PDSS2: variants seen among roughly 807,000 people sequenced by gnomAD.
PDSS2 encodes all trans-polyprenyl-diphosphate synthase PDSS2.
In PDSS2, 31 loss-of-function variants were observed where a neutral mutation model predicts 44.5. That is an observed-to-expected ratio of 0.70 (90% CI 0.52 to 0.94). The LOEUF (loss-of-function observed/expected upper bound fraction) is 0.94. Among genes scored for constraint, PDSS2 ranks in the 40% least tolerant of loss-of-function variants. The probability of loss-of-function intolerance (pLI) is 0.00; values close to 1 mark genes in which losing one functional copy is unlikely to be tolerated. For missense variants in PDSS2, 452 were observed against 482.2 expected, an observed-to-expected ratio of 0.94 and a Z score of 0.59; for synonymous variants, 157 against 180.3, an observed-to-expected ratio of 0.87 and a Z score of 1.03.
At chr6:107,277,048 G>A (rs947652044) in intron 2 of PDSS2, among the ~76,000 whole-genome samples, 1 of 152,174 alleles carries the variant, frequency 6.6e-6, no homozygotes, top group African/African-American at 2.4e-5. Flanking sequence ...GGAGTAGTTT[G>A]TTACACAATA....
chr6:107,192,426 GA>G, intron 7 of PDSS2: 11 of 483,172 alleles, frequency 2.3e-5, no homozygotes, highest in Admixed American at 2.5e-5. Flanking sequence ...GGCAGTGAAG[GA>G]AAAAAAATCC....
At chr6:107,326,104 C>CTTT (rs1177945820) in intron 2 of PDSS2, among the ~76,000 whole-genome samples, 4 of 136,238 alleles carry the variant, frequency 2.9e-5, no homozygotes, top group African/African-American at 5.3e-5. Context: ...TTTCTTTTTT[C>CTTT]TTTTTTTTTT....
At chr6:107,160,181 A>G (rs1771072005) in intron 7 of PDSS2, among the ~76,000 whole-genome samples, 1 of 152,200 alleles carries the variant, frequency 6.6e-6, no homozygotes, top group Admixed American at 6.5e-5. Context: ...GCGCCATTGC[A>G]ATCCAGCCTG....
chr6:107,321,199 TTGAA>T (rs755828568), intron 2 of PDSS2, among the ~76,000 whole-genome samples: 5 of 152,116 alleles, frequency 3.3e-5, no homozygotes, highest in Non-Finnish European at 7.4e-5. Context: ...TAAATGTTTG[TTGAA>T]TGAATGAATG....
intron 3 of PDSS2, among the ~76,000 whole-genome samples, chr6:107,272,984 A>ATGGAGTGCGGT (rs1775654605): frequency 6.6e-6 from 1 of 151,844 alleles, no homozygotes; most frequent in Admixed American, 6.6e-5. Flanking sequence ...TCTGTCGCCC[A>ATGGAGTGCGGT]GGCTGGAGTG....
chr6:107,228,695 A>AAAATAAAT (rs61470983), intron 4 of PDSS2, among the ~76,000 whole-genome samples: 7 of 141,064 alleles, frequency 5.0e-5, no homozygotes, highest in African/African-American at 1.8e-4. Flanking sequence ...ACTCTATCTC[A>AAAATAAAT]AAATAAATAA....
intron 2 of PDSS2, among the ~76,000 whole-genome samples, chr6:107,317,496 T>C (rs543779306): frequency 6.6e-6 from 1 of 152,198 alleles, no homozygotes; most frequent in South Asian, 2.1e-4. Context: ...ATGAGCCTAT[T>C]TTATCTCAAA....
Position 107,274,671 on chromosome 6 carries a change from T to C in PDSS2, c.432-444A>G, listed in dbSNP as rs867723301. Among the ~76,000 whole-genome samples, 15 of 147,290 alleles carry C rather than the reference T, an allele frequency of 1.0e-4. 1 individual carries two copies. Among genetic ancestry groups the C allele is most frequent in the African/African-American group, 3.3e-4 (13 of 39,712 alleles). The stretch of plus-strand genomic sequence containing the variant: ...TTACATACATTATCTCTCTCTCTTT[T>C]TTTTTTTTTTTTTTTTGTTTAGATG... On this transcript the variant is annotated intron_variant, in intron 2 of 7. Coordinates refer to ENST00000369037, the MANE Select transcript of PDSS2 (RefSeq NM_020381.4).
intron 2 of PDSS2, among the ~76,000 whole-genome samples, chr6:107,303,572 C>A (rs1209006768): frequency 3.9e-5 from 6 of 152,164 alleles, no homozygotes; most frequent in Non-Finnish European, 8.8e-5. Context: ...AAAATGTGTT[C>A]ATACTATACA....
chr6:107,162,466 C>G (rs1231269200), intron 7 of PDSS2, among the ~76,000 whole-genome samples: 1 of 119,900 alleles, frequency 8.3e-6, no homozygotes, highest in Non-Finnish European at 1.6e-5. Flanking sequence ...GCACTTCAGC[C>G]TGGGTGACAG....
At chr6:107,198,800 T>C (rs1039319706) in intron 6 of PDSS2, among the ~76,000 whole-genome samples, 4 of 149,306 alleles carry the variant, frequency 2.7e-5, no homozygotes, top group Non-Finnish European at 5.9e-5. Context: ...CTACAAACAA[T>C]AACAACAACA....
intron 4 of PDSS2, among the ~76,000 whole-genome samples, chr6:107,236,273 C>T (rs964423763): frequency 6.6e-6 from 1 of 152,048 alleles, no homozygotes; most frequent in African/African-American, 2.4e-5. Flanking sequence ...ACTCTATATC[C>T]AGTGAACATA....
At chr6:107,256,525 T>C (rs1474302307) in intron 3 of PDSS2, among the ~76,000 whole-genome samples, 2 of 152,182 alleles carry the variant, frequency 1.3e-5, no homozygotes, top group Non-Finnish European at 2.9e-5. Context: ...CCAAGGTTTG[T>C]ACTCTAAAGG....
chr6:107,257,465 A>C (rs1775061705), intron 3 of PDSS2, among the ~76,000 whole-genome samples: 1 of 152,048 alleles, frequency 6.6e-6, no homozygotes, highest in South Asian at 2.1e-4. Flanking sequence ...TGAGCCTGTG[A>C]GTTCGAGGTT....
chr6:107,327,380 G>A (rs1206438527), intron 2 of PDSS2, among the ~76,000 whole-genome samples: 2 of 152,352 alleles, frequency 1.3e-5, no homozygotes, highest in East Asian at 3.9e-4. Flanking sequence ...CAGAATTGAA[G>A]CTGCAGATAA....
intron 1 of PDSS2, among the ~76,000 whole-genome samples, chr6:107,372,505 G>A (rs1340690952): frequency 6.6e-6 from 1 of 152,122 alleles, no homozygotes; most frequent in Non-Finnish European, 1.5e-5. Flanking sequence ...AAGCTGGAGG[G>A]CAGTTGCGCG....
rs376348124 is a variant in PDSS2 at position 107,231,159 on chromosome 6, G to C, written c.702+14389C>G. On this transcript the variant is annotated intron_variant, in intron 4 of 7. Coordinates refer to ENST00000369037, the MANE Select transcript of PDSS2 (RefSeq NM_020381.4). Reference sequence around the variant, plus strand: ...CTACTTTCTGCAAAGAGACAGAAATGAACCTGTACAAATACCCTATACTCC... The same window carrying C: ...CTACTTTCTGCAAAGAGACAGAAATCAACCTGTACAAATACCCTATACTCC... 7.9e-5 allele frequency among the ~76,000 whole-genome samples: 12 copies of C among 152,280 alleles called. No homozygotes were observed. In the East Asian group the frequency reaches 2.3e-3, roughly 29 times the overall value.
At chr6:107,205,397 T>C (rs1772937668) in intron 6 of PDSS2, among the ~76,000 whole-genome samples, 1 of 152,244 alleles carries the variant, frequency 6.6e-6, no homozygotes, top group African/African-American at 2.4e-5. Context: ...TAAAGCTTGC[T>C]GACCTGCAAT....
At chr6:107,217,511 C>G (rs1773452008) in intron 4 of PDSS2, among the ~76,000 whole-genome samples, 1 of 151,710 alleles carries the variant, frequency 6.6e-6, no homozygotes, top group Non-Finnish European at 1.5e-5. Context: ...AGGAAGAATA[C>G]AAGTCTGTCA....
Sources: gnomAD v4.1 joint callset for allele counts (sites outside exome capture counted in the v4.1 genomes callset) on GRCh38, gnomAD v4.1.1 for gene constraint, MANE v1.5 for transcripts, NCBI Gene and HGNC (gene_info 2026-07-23, HGNC 2026-07-21) for gene names.